The following PPP1R9A variants were observed in gnomAD, a reference collection of about 807,000 sequenced individuals.
PPP1R9A encodes the protein neurabin-1.
PPP1R9A carries 59 observed loss-of-function variants against 141.9 expected under a neutral mutation model. The ratio of observed to expected loss-of-function variants is 0.42; its 90% CI spans 0.34 to 0.52. PPP1R9A has a LOEUF of 0.52. Ranked by LOEUF, PPP1R9A falls within the 20% of genes least tolerant of loss-of-function variation. The pLI, the probability that PPP1R9A is intolerant of heterozygous loss-of-function variation, is 0.10. For missense variants in PPP1R9A, 1,444 were observed against 1,611.9 expected (o/e 0.90, Z 1.78); for synonymous variants, 500 against 569.7 (o/e 0.88, Z 1.74).
chr7:95,090,187 G>T (rs1817152148), intron 2 of PPP1R9A, among the ~76,000 whole-genome samples: 1 of 151,722 alleles, frequency 6.6e-6, no homozygotes, highest in African/African-American at 2.4e-5. Context: ...GTGAATGACA[G>T]CTTAACTGCA....
Position 95,215,823 on chromosome 7 carries a change from G to GT in PPP1R9A, c.1957-10131dup, listed in dbSNP as rs1793266231. Among the ~76,000 whole-genome samples the GT allele has an allele frequency of 3.9e-5, 6 of 152,166 alleles. No individual in the cohort carries two copies. In the South Asian group the frequency reaches 1.0e-3, roughly 26 times the overall value. On this transcript the variant is annotated intron_variant, in intron 7 of 19. Transcript: ENST00000433360. ...CGCCCACTTTTTGATGGGGTTGTTT[G>GT]TTTTTTTCTTGTAAATTTGTTTCAG... is the stretch of plus-strand genomic sequence containing the variant.
In PPP1R9A at chr7:95,268,609, G is replaced by A; in HGVS notation, c.2725G>A (p.Ala909Thr). The change falls in exon 13 of 20, where the codon GCC (alanine) becomes ACC (threonine). Residue 909 changes from alanine to threonine, a missense_variant. Coordinates refer to ENST00000433360, the MANE Select transcript of PPP1R9A (RefSeq NM_001166160.2). Reference sequence around the variant, plus strand: ...GGATTCAAAAGCACTGAAAACTCGAGCCCAGCTCTCTGTGAAGAACAGACG... The same window carrying A: ...GGATTCAAAAGCACTGAAAACTCGAACCCAGCTCTCTGTGAAGAACAGACG... Reference protein sequence around the residue: ...RLDSKALKTRAQLSVKNRRQR... With the variant: ...RLDSKALKTRTQLSVKNRRQR... 1 of 1,613,482 alleles carries A rather than the reference G, an allele frequency of 6.2e-7. No individual in the cohort carries two copies. Among genetic ancestry groups the A allele is most frequent in the Non-Finnish European group, 8.5e-7 (1 of 1,179,590 alleles).
chr7:94,919,307 T>A (rs1792487087), intron 2 of PPP1R9A, among the ~76,000 whole-genome samples: 1 of 28,286 alleles, frequency 3.5e-5, no homozygotes, highest in Non-Finnish European at 6.7e-5. Context: ...TTACATTTTT[T>A]TTTTTTTTTT....
chr7:95,233,567 A>G (rs185770464), intron 8 of PPP1R9A, among the ~76,000 whole-genome samples: 103 of 152,298 alleles, frequency 6.8e-4, no homozygotes, highest in Non-Finnish European at 1.4e-3. Context: ...GTCCAGGACC[A>G]TACACATTCA....
intron 2 of PPP1R9A, among the ~76,000 whole-genome samples, chr7:95,022,959 C>T (rs1245898605): frequency 1.3e-5 from 2 of 152,082 alleles, no homozygotes; most frequent in African/African-American, 4.8e-5. Flanking sequence ...TGTGTCTCTG[C>T]CAGGTTTTGG....
chr7:95,075,999 T>C (rs573039711), intron 2 of PPP1R9A, among the ~76,000 whole-genome samples: 1 of 152,314 alleles, frequency 6.6e-6, no homozygotes, highest in Non-Finnish European at 1.5e-5. Flanking sequence ...CTTTCTGATA[T>C]GGAAGAGGAG....
chr7:95,179,818 A>G (rs1833471131), intron 5 of PPP1R9A, among the ~76,000 whole-genome samples: 1 of 149,390 alleles, frequency 6.7e-6, no homozygotes, highest in African/African-American at 2.4e-5. Context: ...ATACCTAACC[A>G]AGAAGGGGAA....
At chr7:95,242,033 G>C (rs1489576036) in intron 8 of PPP1R9A, among the ~76,000 whole-genome samples, 2 of 152,090 alleles carry the variant, frequency 1.3e-5, no homozygotes, top group African/African-American at 4.8e-5. Context: ...TTGTGATATT[G>C]TTCAGTCAGC....
At chr7:95,010,451 T>C (rs1230226844) in intron 2 of PPP1R9A, among the ~76,000 whole-genome samples, 2 of 152,154 alleles carry the variant, frequency 1.3e-5, no homozygotes, top group African/African-American at 4.8e-5. Flanking sequence ...AAATGCAGTC[T>C]GATTTCGGAA....
chr7:95,141,414 T>G (rs750217197), intron 4 of PPP1R9A, among the ~76,000 whole-genome samples: 3 of 152,182 alleles, frequency 2.0e-5, no homozygotes, highest in Non-Finnish European at 2.9e-5. Context: ...TTGTGAATAT[T>G]CAAGAGTTAT....
intron 4 of PPP1R9A, among the ~76,000 whole-genome samples, chr7:95,125,192 G>A (rs1406051762): frequency 6.6e-6 from 1 of 151,980 alleles, no homozygotes; most frequent in East Asian, 1.9e-4. Context: ...TGTTGCCCAG[G>A]CTGACCTCAA....
chr7:95,171,199 C>G (rs1052432921), intron 5 of PPP1R9A, among the ~76,000 whole-genome samples: 2 of 151,376 alleles, frequency 1.3e-5, no homozygotes, highest in Admixed American at 1.3e-4. Context: ...GTATAGAAAA[C>G]TAACAGCACA....
chr7:95,213,615 C>T (rs866100233), intron 7 of PPP1R9A, among the ~76,000 whole-genome samples: 14 of 152,238 alleles, frequency 9.2e-5, no homozygotes, highest in East Asian at 3.9e-4. Context: ...TGAGCCTCCA[C>T]GCCCAGCCTG....
At chr7:95,091,337 C>CTTTTT (rs555627706) in intron 2 of PPP1R9A, among the ~76,000 whole-genome samples, 60 of 75,976 alleles carry the variant, frequency 7.9e-4, no homozygotes, top group Non-Finnish European at 1.0e-3. Flanking sequence ...TGTTTTAACT[C>CTTTTT]TTTTTTTTTT....
intron 7 of PPP1R9A, among the ~76,000 whole-genome samples, chr7:95,211,189 T>C (rs1331568606): frequency 2.0e-5 from 3 of 151,738 alleles, no homozygotes; most frequent in African/African-American, 7.3e-5. Context: ...AAATTGAATG[T>C]CTGACCCATG....
intron 7 of PPP1R9A, among the ~76,000 whole-genome samples, chr7:95,206,339 C>T (rs1231557888): frequency 1.3e-5 from 2 of 151,774 alleles, no homozygotes; most frequent in Admixed American, 6.6e-5. Context: ...GTTTCAGTTC[C>T]TAAAGGGATT....
At chr7:95,128,821 A>C (rs963770898) in intron 4 of PPP1R9A, among the ~76,000 whole-genome samples, 1 of 151,842 alleles carries the variant, frequency 6.6e-6, no homozygotes, top group Non-Finnish European at 1.5e-5. Flanking sequence ...CAGGTGATCC[A>C]CCCGCCTCGG....
intron 6 of PPP1R9A, among the ~76,000 whole-genome samples, chr7:95,202,350 T>G (rs1449721212): frequency 6.6e-6 from 1 of 151,894 alleles, no homozygotes; most frequent in African/African-American, 2.4e-5. Context: ...TTAAACATTC[T>G]GATTAAAAAA....
At chr7:94,964,478 C>T (rs115402647) in intron 2 of PPP1R9A, among the ~76,000 whole-genome samples, 2,037 of 152,240 alleles carry the variant, frequency 0.013, 50 homozygotes, top group African/African-American at 0.047. Context: ...AATGCTATCC[C>T]TCGCCTAAAT....
Sources: allele counts gnomAD v4.1 joint callset (sites outside exome capture counted in the v4.1 genomes callset), GRCh38; gene constraint gnomAD v4.1.1; transcripts MANE v1.5; gene names NCBI Gene and HGNC (gene_info 2026-07-23, HGNC 2026-07-21).